The following RAD54L variants were observed in gnomAD, a reference collection of about 807,000 sequenced individuals.
RAD54L encodes RAD54 like, also known as DNA repair and recombination protein RAD54-like.
A neutral mutation model predicts 91.6 loss-of-function variants in RAD54L; 74 were observed. That is an observed-to-expected ratio of 0.81 (90% confidence interval 0.67 to 0.98). The LOEUF is 0.98. RAD54L is among the 50% of genes least tolerant of loss of function. RAD54L has a pLI of 0.00. For synonymous variants in RAD54L, 304 were observed against 349.7 expected, an observed-to-expected ratio of 0.87 and a Z score of 1.46; for missense variants, 887 against 945.7, an observed-to-expected ratio of 0.94 and a Z score of 0.81.
intron 9 of RAD54L, among the ~76,000 whole-genome samples, chr1:46,269,274 C>T (rs1660353703): frequency 6.7e-6 from 1 of 149,702 alleles, no homozygotes; most frequent in South Asian, 2.1e-4. Flanking sequence ...CCTAATAAGT[C>T]TTGATATCCA....
At chr1:46,267,976 C>A (rs1446543401) in intron 9 of RAD54L, among the ~76,000 whole-genome samples, 2 of 152,142 alleles carry the variant, frequency 1.3e-5, no homozygotes, top group Admixed American at 6.5e-5. Flanking sequence ...TTTTAAAAAT[C>A]ATTTTAACCA....
In RAD54L at chr1:46,268,216, AT is replaced by A. The variant is rs554142707; in HGVS notation, c.1042+609del. On this transcript the variant is annotated intron_variant, in intron 9 of 17. Transcript: ENST00000371975. ...GACCTTGTCTCTACAAAATAAGAAA[AT>A]TAGCTGGGTGTGGTGGTGTGTGCTG... Among the ~76,000 whole-genome samples, 13 of 152,254 alleles carry A rather than the reference AT, an allele frequency of 8.5e-5. 1 individual carries two copies. The East Asian group carries it at 2.5e-3, about 29-fold the overall frequency.
At chr1:46,249,729 A>G (rs1403236932) in intron 2 of RAD54L, among the ~76,000 whole-genome samples, 2 of 152,094 alleles carry the variant, frequency 1.3e-5, no homozygotes, top group Admixed American at 6.6e-5. Context: ...CTGTTGGTAG[A>G]CTTGCTCTTC....
rs1269019049 is a variant in RAD54L at position 46,267,523 on chromosome 1, G to A, written c.956G>A (p.Arg319Gln). Residue 319 changes from arginine to glutamine, a missense_variant, in exon 9 of 18, where the codon CGG (arginine) becomes CAG (glutamine). Coordinates refer to ENST00000371975, the MANE Select transcript of RAD54L (RefSeq NM_003579.4). ...YQALDSLNTS[R>Q]RVLISGTPIQ... The stretch of plus-strand genomic sequence containing the variant: ...GCCCTGGACAGCTTGAACACCAGCC[G>A]GCGGGTGCTCATCTCCGGAACTCCC... The A allele has an allele frequency of 4.3e-6, 7 of 1,614,034 alleles. No homozygotes were observed. In the South Asian group the frequency reaches 4.4e-5, roughly 10 times the overall value.
rs528490594 is a variant in RAD54L at position 46,273,471 on chromosome 1, C to T, written c.1486+6C>T. 1 of 1,612,304 alleles carries T rather than the reference C, an allele frequency of 6.2e-7. No individual in the cohort carries two copies. Among genetic ancestry groups the T allele is most frequent in the Non-Finnish European group, 8.5e-7 (1 of 1,178,628 alleles). On this transcript the variant is annotated splice_donor_region_variant and intron_variant, in intron 13 of 17. Transcript: ENST00000371975. ...CCTGGAGCCCCAGCTGTCAGGTGAC[C>T]CTTTTCCTACCAGTATTTGGGCTTC...
At position 46,278,110 on chromosome 1, in the gene RAD54L, G is replaced by A. The variant is rs201788900; in HGVS notation, c.2072G>A (p.Arg691Gln). 1.9e-4 allele frequency: 302 copies of A among 1,613,800 alleles called. No homozygotes were observed. Among genetic ancestry groups the A allele is most frequent in the Non-Finnish European group, 2.2e-4 (265 of 1,179,946 alleles). The change falls in exon 18 of 18, where the codon CGG (arginine) becomes CAG (glutamine). Residue 691 changes from arginine to glutamine, a missense_variant. By Grantham distance (43) the Arg-to-Gln change is conservative. Transcript: ENST00000371975. ...CGTTGTGTCAACAGCCGTCAGATCC[G>A]GCCACCCCCTGATGGTTCTGACTGC... ...CRRCVNSRQI[R>Q]PPPDGSDCTS...
In RAD54L at chr1:46,277,917, C is replaced by G. The variant is rs139712079; in HGVS notation, c.1970C>G (p.Ser657Cys). The G allele has an allele frequency of 3.7e-4, 601 of 1,614,002 alleles. No individual in the cohort carries two copies. The highest frequency in any genetic ancestry group is 4.7e-4 in the Non-Finnish European group (559 of 1,180,034). Residue 657 changes from serine to cysteine, a missense_variant, in exon 17 of 18, where the codon TCT becomes TGT. Physicochemically the swap from Ser to Cys is moderately radical, Grantham distance 112. Transcript: ENST00000371975. ...DEEQDVERHF[S>C]LGELKELFIL... ...GAGCAGGATGTAGAGCGCCACTTCT[C>G]TCTGGGCGAGTTGAAGGAGCTGTTT...
At chr1:46,264,562 T>C (rs1423106100) in intron 8 of RAD54L, among the ~76,000 whole-genome samples, 1 of 152,254 alleles carries the variant, frequency 6.6e-6, no homozygotes, top group Non-Finnish European at 1.5e-5. Flanking sequence ...GGATGGCACA[T>C]GGGCTACTTG....
rs777452412 is a variant in RAD54L at position 46,277,880 on chromosome 1, G to A, written c.1933G>A (p.Val645Met). The A allele has an allele frequency of 5.0e-6, 8 of 1,613,992 alleles. No homozygotes were observed. Among genetic ancestry groups the A allele is most frequent in the Non-Finnish European group, 5.9e-6 (7 of 1,179,932 alleles). Residue 645 changes from valine (V) to methionine (M), a missense_variant, in exon 17 of 18, where the codon GTG becomes ATG. Transcript: ENST00000371975. ...CCACAAGAAGGCACTGAGCAGCTGT[G>A]TGGTGGATGAGGAGCAGGATGTAGA... ...QSHKKALSSCVVDEEQDVERH... is the reference protein window; with the variant it reads ...QSHKKALSSCMVDEEQDVERH...
chr1:46,260,681 G>T, intron 6 of RAD54L, 46 bp from the exon 7 acceptor site: 1 of 1,613,914 alleles, frequency 6.2e-7, no homozygotes, highest in Non-Finnish European at 8.5e-7. Flanking sequence ...CCCTGGGACA[G>T]CAGCAGCGTA....
At position 46,278,137 on chromosome 1, in the gene RAD54L, C is replaced by A; in HGVS notation, c.2099C>A (p.Thr700Asn). Reference protein sequence around the residue: ...IRPPPDGSDCTSDLAGWNHCT... With the variant: ...IRPPPDGSDCNSDLAGWNHCT... ...CCACCCCCTGATGGTTCTGACTGCACTTCAGACCTGGCAGGGTGGAACCAC... is the reference window on the plus strand; with the variant it reads ...CCACCCCCTGATGGTTCTGACTGCAATTCAGACCTGGCAGGGTGGAACCAC... Residue 700 changes from threonine (T) to asparagine (N), a missense_variant, in exon 18 of 18, where the codon ACT becomes AAT. Coordinates refer to ENST00000371975, the MANE Select transcript of RAD54L (RefSeq NM_003579.4). 1 of 1,613,914 alleles carries A rather than the reference C, an allele frequency of 6.2e-7. No individual in the cohort carries two copies. Among genetic ancestry groups the A allele is most frequent in the Non-Finnish European group, 8.5e-7 (1 of 1,179,930 alleles).
chr1:46,268,480 A>G (rs960306791), intron 9 of RAD54L, among the ~76,000 whole-genome samples: 1 of 152,212 alleles, frequency 6.6e-6, no homozygotes, highest in Non-Finnish European at 1.5e-5. Context: ...AAGTGAACAC[A>G]TTTGTGTAAC....
Position 46,272,458 on chromosome 1 carries a change from T to C in RAD54L, c.1170-8T>C, listed in dbSNP as rs564028677. 2.1e-5 allele frequency: 33 copies of C among 1,600,798 alleles called. No individual in the cohort carries two copies. The East Asian group carries it at 6.9e-4, about 34-fold the overall frequency. On this transcript the variant is annotated splice_region_variant and splice_polypyrimidine_tract_variant and intron_variant, in intron 10 of 17. Coordinates refer to ENST00000371975, the MANE Select transcript of RAD54L (RefSeq NM_003579.4). ...CAGCCTCTTGCCTTTTTATCCTGTT[T>C]TCTCTAGATGCCTGATACGGAGGAC...
Position 46,273,737 on chromosome 1 carries a change from C to T in RAD54L, c.1600C>T (p.Arg534Cys), listed in dbSNP as rs28363240. 663 of 1,608,060 alleles carry T rather than the reference C, an allele frequency of 4.1e-4. 1 individual carries two copies. In the African/African-American group the frequency reaches 7.6e-3, roughly 18 times the overall value. Residue 534 changes from arginine (R) to cysteine (C), a missense_variant, in exon 14 of 18, where the codon CGT becomes TGT. By Grantham distance (180) the Arg-to-Cys change is radical. Coordinates refer to ENST00000371975, the MANE Select transcript of RAD54L (RefSeq NM_003579.4). ...TTTGGATCTCTTTGAGAAGCTGTGC[C>T]GTGCCCGAAGGTAGGGAAGATCCTA... is the stretch of plus-strand genomic sequence containing the variant. Reference protein sequence around the residue: ...QTLDLFEKLCRARRYLYVRLD... With the variant: ...QTLDLFEKLCCARRYLYVRLD...
chr1:46,276,385 G>A (rs1197182249), intron 16 of RAD54L, among the ~76,000 whole-genome samples: 2 of 151,934 alleles, frequency 1.3e-5, no homozygotes, highest in East Asian at 3.9e-4. Context: ...GGCTGGTCTC[G>A]AACATCTGGA....
chr1:46,268,116 C>A (rs1660317583), intron 9 of RAD54L, among the ~76,000 whole-genome samples: 1 of 152,152 alleles, frequency 6.6e-6, no homozygotes, highest in South Asian at 2.1e-4. Context: ...CTACCCTCCC[C>A]TCCCAGTGCT....
chr1:46,266,849 G>A (rs1204159461), intron 8 of RAD54L, among the ~76,000 whole-genome samples: 3 of 152,182 alleles, frequency 2.0e-5, no homozygotes, highest in African/African-American at 7.2e-5. Flanking sequence ...AGGCTCTGGA[G>A]GTGGGGCAGG....
intron 16 of RAD54L, among the ~76,000 whole-genome samples, chr1:46,277,260 A>G (rs527249292): frequency 6.6e-6 from 1 of 152,276 alleles, no homozygotes; most frequent in Admixed American, 6.5e-5. Flanking sequence ...CTTACAAACC[A>G]TCTACTCATT....
At chr1:46,257,868 T>C (rs538573794) in intron 3 of RAD54L, among the ~76,000 whole-genome samples, 5 of 152,248 alleles carry the variant, frequency 3.3e-5, no homozygotes, top group African/African-American at 9.6e-5. Context: ...GCTTTGTGAC[T>C]TGAGAAAGTG....
Sources: gnomAD v4.1 joint callset for allele counts (sites outside exome capture counted in the v4.1 genomes callset) on GRCh38, gnomAD v4.1.1 for gene constraint, MANE v1.5 for transcripts, NCBI Gene and HGNC (gene_info 2026-07-23, HGNC 2026-07-21) for gene names.